The following GALNT13 variants were observed in gnomAD, a reference collection of about 807,000 sequenced individuals.
GALNT13 encodes the protein polypeptide N-acetylgalactosaminyltransferase 13, also known as UDP-GalNAc:polypeptide N-acetylgalactosaminyltransferase 13.
Under a neutral mutation model 64.2 loss-of-function variants are expected in GALNT13, and 28 were observed. The ratio of observed to expected loss-of-function variants is 0.44; its 90% CI spans 0.32 to 0.60. The LOEUF (loss-of-function observed/expected upper bound fraction) is 0.60, where lower values mean the gene tolerates loss of function less well. GALNT13 is among the 20% of genes least tolerant of loss of function. The probability of loss-of-function intolerance (pLI) is 0.05; values close to 1 mark genes in which losing one functional copy is unlikely to be tolerated. For synonymous variants in GALNT13, 214 were observed against 224.6 expected (o/e 0.95, Z 0.42); for missense variants, 577 against 669.8 (o/e 0.86, Z 1.53).
chr2:154,437,341 A>C (rs991253910), intron 11 of GALNT13: 1 of 249,278 alleles, frequency 4.0e-6, no homozygotes, highest in East Asian at 1.6e-4. Flanking sequence ...AACTCTTCCA[A>C]GACTAACTCG....
At chr2:153,616,943 T>C in the GALNT13 span, among the ~76,000 whole-genome samples, 1 of 151,940 alleles carries the variant, frequency 6.6e-6, no homozygotes, top group Admixed American at 6.6e-5. Flanking sequence ...GTACCAGATA[T>C]ATAAAGCAAA....
chr2:154,182,625 A>T (rs558765751), intron 4 of GALNT13, among the ~76,000 whole-genome samples: 1 of 148,716 alleles, frequency 6.7e-6, no homozygotes, highest in African/African-American at 2.4e-5. Context: ...AAAAATATAT[A>T]TTTATTATAT....
At chr2:154,202,609 C>A (rs1013776443) in intron 4 of GALNT13, among the ~76,000 whole-genome samples, 1 of 152,090 alleles carries the variant, frequency 6.6e-6, no homozygotes, top group African/African-American at 2.4e-5. Flanking sequence ...ATGGCTAACA[C>A]CAAGATCCAA....
At chr2:154,392,736 A>G (rs949570736) in intron 9 of GALNT13, among the ~76,000 whole-genome samples, 2 of 152,210 alleles carry the variant, frequency 1.3e-5, no homozygotes, top group African/African-American at 2.4e-5. Context: ...TGGTCAGGGG[A>G]GTAACATGAT....
chr2:153,818,266 C>T, the GALNT13 span, among the ~76,000 whole-genome samples: 35 of 152,172 alleles, frequency 2.3e-4, no homozygotes, highest in African/African-American at 7.0e-4. Context: ...TTTGTAGAGT[C>T]GCTGCTCAAG....
chr2:153,493,530 A>G, the GALNT13 span, among the ~76,000 whole-genome samples: 15 of 152,048 alleles, frequency 9.9e-5, no homozygotes, highest in African/African-American at 3.4e-4. Flanking sequence ...ACATGATTTC[A>G]CTGGTTAATT....
chr2:153,289,556 T>C, the GALNT13 span, among the ~76,000 whole-genome samples: 1 of 152,130 alleles, frequency 6.6e-6, no homozygotes, highest in Non-Finnish European at 1.5e-5. Flanking sequence ...CCTTGGTGAG[T>C]TATTTAGGAT....
At chr2:153,954,673 C>A (rs1378487131) in intron 3 of GALNT13, among the ~76,000 whole-genome samples, 2 of 151,304 alleles carry the variant, frequency 1.3e-5, no homozygotes, top group East Asian at 3.9e-4. Context: ...AGGTGCTTTA[C>A]AAGCAATATT....
intron 3 of GALNT13, among the ~76,000 whole-genome samples, chr2:154,105,800 T>C (rs912165735): frequency 6.6e-5 from 10 of 152,172 alleles, no homozygotes; most frequent in African/African-American, 1.9e-4. Context: ...ATGTGAATAT[T>C]GAGTACTTGA....
chr2:153,448,279 T>C, the GALNT13 span, among the ~76,000 whole-genome samples: 1 of 152,126 alleles, frequency 6.6e-6, no homozygotes, highest in East Asian at 1.9e-4. Context: ...TGTGAGTGGG[T>C]GGAATGGAGG....
At chr2:153,814,205 C>T in the GALNT13 span, among the ~76,000 whole-genome samples, 1 of 152,184 alleles carries the variant, frequency 6.6e-6, no homozygotes, top group Non-Finnish European at 1.5e-5. Context: ...CTTTAGGAAG[C>T]CGAGGTGGGC....
At chr2:153,755,046 C>G in the GALNT13 span, among the ~76,000 whole-genome samples, 1 of 152,162 alleles carries the variant, frequency 6.6e-6, no homozygotes, top group Non-Finnish European at 1.5e-5. Flanking sequence ...CTCCACACCA[C>G]ACTGCTGCTG....
intron 3 of GALNT13, among the ~76,000 whole-genome samples, chr2:154,116,137 G>T (rs909309397): frequency 3.9e-5 from 6 of 152,166 alleles, no homozygotes; most frequent in East Asian, 3.9e-4. Flanking sequence ...AAGGCTGATG[G>T]CAGCATGGGT....
At chr2:154,228,295 C>T (rs1688736057) in intron 4 of GALNT13, among the ~76,000 whole-genome samples, 1 of 152,054 alleles carries the variant, frequency 6.6e-6, no homozygotes, top group South Asian at 2.1e-4. Flanking sequence ...TTAATAAGCC[C>T]ATTTTTACAT....
At chr2:154,340,313 T>C (rs1253722743) in intron 9 of GALNT13, among the ~76,000 whole-genome samples, 3 of 152,098 alleles carry the variant, frequency 2.0e-5, no homozygotes, top group African/African-American at 7.2e-5. Flanking sequence ...GGCCTAGGAC[T>C]CTTGAGCTCA....
chr2:153,966,642 A>G (rs1235318607), intron 3 of GALNT13, among the ~76,000 whole-genome samples: 2 of 151,924 alleles, frequency 1.3e-5, no homozygotes, highest in African/African-American at 2.4e-5. Context: ...CGCTGGGATT[A>G]CAGGCGTGAG....
At chr2:153,737,109 G>T in the GALNT13 span, among the ~76,000 whole-genome samples, 2 of 152,202 alleles carry the variant, frequency 1.3e-5, no homozygotes, top group African/African-American at 4.8e-5. Context: ...GCCATGCTGG[G>T]CCTTTCAAGC....
chr2:153,518,598 A>G, the GALNT13 span, among the ~76,000 whole-genome samples: 1 of 152,174 alleles, frequency 6.6e-6, no homozygotes, highest in African/African-American at 2.4e-5. Context: ...AAATTTATAA[A>G]GTAAAGGGTT....
At chr2:154,250,750 C>G (rs1248743224) in intron 7 of GALNT13, among the ~76,000 whole-genome samples, 1 of 151,886 alleles carries the variant, frequency 6.6e-6, no homozygotes, top group African/African-American at 2.4e-5. Flanking sequence ...TAATTTTTAT[C>G]AGATTGTATT....
Sources: gnomAD v4.1 joint callset for allele counts (sites outside exome capture counted in the v4.1 genomes callset) on GRCh38, gnomAD v4.1.1 for gene constraint, MANE v1.5 for transcripts, NCBI Gene and HGNC (gene_info 2026-07-23, HGNC 2026-07-21) for gene names.